The following DPP10 variants were observed in gnomAD, a reference collection of about 807,000 sequenced individuals.
The protein encoded by DPP10 is inactive dipeptidyl peptidase 10.
Under a neutral mutation model 120.9 loss-of-function variants are expected in DPP10, and 33 were observed. That is an observed-to-expected ratio of 0.27 (90% CI 0.21 to 0.37). DPP10 has a LOEUF of 0.37. Ranked by LOEUF, DPP10 falls within the 10% of genes least tolerant of loss-of-function variation. The pLI, the probability that DPP10 is intolerant of heterozygous loss-of-function variation, is 1.00. For synonymous variants in DPP10, 337 were observed against 326.1 expected, an observed-to-expected ratio of 1.03 and a Z score of -0.36; for missense variants, 816 against 942.8, an observed-to-expected ratio of 0.87 and a Z score of 1.76.
intron 1 of DPP10, among the ~76,000 whole-genome samples, chr2:115,102,160 G>A (rs909102279): frequency 1.3e-5 from 2 of 152,188 alleles, no homozygotes; most frequent in African/African-American, 4.8e-5. Context: ...CTTCCTTCCT[G>A]GCTTGCAGAC....
chr2:115,674,459 C>T lies in DPP10; in HGVS notation c.442-15228C>T, dbSNP rs189163144. 2.5e-3 allele frequency among the ~76,000 whole-genome samples: 380 copies of T among 151,696 alleles called. 1 individual carries two copies. The highest frequency in any genetic ancestry group is 3.7e-3 in the Non-Finnish European group (252 of 67,956). ...AATCGTATGTACTCTCTCCACCTTG[C>T]CGGCAGTTACATGCTTGTGACATGT... On this transcript the variant is annotated intron_variant, in intron 5 of 25. Transcript: ENST00000410059.
At chr2:114,500,162 G>A (rs759504582) in intron 1 of DPP10, among the ~76,000 whole-genome samples, 11 of 152,204 alleles carry the variant, frequency 7.2e-5, no homozygotes, top group African/African-American at 1.9e-4. Flanking sequence ...CTTAGCCACT[G>A]CTGAATTTCT....
At chr2:115,831,258 CTTTA>C in intron 21 of DPP10, among the ~76,000 whole-genome samples, 1 of 151,540 alleles carries the variant, frequency 6.6e-6, no homozygotes, top group African/African-American at 2.4e-5. Flanking sequence ...TTCTTTCTTT[CTTTA>C]TTTTGAGACG....
chr2:115,589,233 T>TGA (rs2082476922), intron 5 of DPP10, among the ~76,000 whole-genome samples: 1 of 152,212 alleles, frequency 6.6e-6, no homozygotes, highest in African/African-American at 2.4e-5. Flanking sequence ...GATTCTCAGT[T>TGA]GACAGATTGT....
intron 5 of DPP10, among the ~76,000 whole-genome samples, chr2:115,618,364 G>A (rs528749637): frequency 3.3e-5 from 5 of 152,288 alleles, no homozygotes; most frequent in South Asian, 2.1e-4. Context: ...CTTAGGAGTC[G>A]TGAAAGCCTT....
At chr2:115,690,576 C>A (rs756824118) in intron 7 of DPP10, among the ~76,000 whole-genome samples, 19 of 152,080 alleles carry the variant, frequency 1.2e-4, no homozygotes, top group Non-Finnish European at 2.1e-4. Flanking sequence ...CCAGGTCTGG[C>A]TAGCTTTTAT....
chr2:114,531,305 G>A (rs976600240), intron 1 of DPP10, among the ~76,000 whole-genome samples: 7 of 151,758 alleles, frequency 4.6e-5, no homozygotes, highest in East Asian at 1.9e-4. Context: ...TAAATATTCC[G>A]GTCTTCAAGA....
intron 1 of DPP10, among the ~76,000 whole-genome samples, chr2:115,306,357 T>C (rs759997266): frequency 5.9e-5 from 9 of 151,984 alleles, no homozygotes; most frequent in Non-Finnish European, 7.4e-5. Flanking sequence ...GGAATGGTGA[T>C]GTGAAGGTTG....
intron 1 of DPP10, among the ~76,000 whole-genome samples, chr2:114,922,826 G>T (rs1208016382): frequency 2.0e-5 from 3 of 152,028 alleles, no homozygotes; most frequent in Admixed American, 6.6e-5. Context: ...CTACGTTTTG[G>T]CTACTATGGC....
At chr2:115,731,964 C>T (rs1473444153) in intron 8 of DPP10, among the ~76,000 whole-genome samples, 2 of 152,194 alleles carry the variant, frequency 1.3e-5, no homozygotes, top group Non-Finnish European at 2.9e-5. Context: ...CCCACTATCA[C>T]CTTGCTTGTG....
At chr2:115,099,291 G>T (rs1187892766) in intron 1 of DPP10, among the ~76,000 whole-genome samples, 1 of 152,106 alleles carries the variant, frequency 6.6e-6, no homozygotes, top group Non-Finnish European at 1.5e-5. Flanking sequence ...TCCAGCATGG[G>T]CGACAGAACA....
intron 1 of DPP10, among the ~76,000 whole-genome samples, chr2:115,020,750 G>C (rs1037920320): frequency 7.9e-5 from 12 of 151,942 alleles, no homozygotes; most frequent in African/African-American, 2.7e-4. Flanking sequence ...CATTCTCCAA[G>C]ATAAACCATA....
chr2:115,017,859 G>GGGGGGAGT (rs1702770296), intron 1 of DPP10, among the ~76,000 whole-genome samples: 1 of 151,798 alleles, frequency 6.6e-6, no homozygotes, highest in African/African-American at 2.4e-5. Context: ...GTTGTGGGGT[G>GGGGGGAGT]GGGGGAGTGG....
At chr2:115,168,858 A>G (rs778230504) in intron 1 of DPP10, among the ~76,000 whole-genome samples, 33 of 152,220 alleles carry the variant, frequency 2.2e-4, no homozygotes, top group Non-Finnish European at 4.0e-4. Context: ...TAAATGTGTC[A>G]TCCACTGCCA....
intron 11 of DPP10, among the ~76,000 whole-genome samples, chr2:115,756,349 TA>T (rs1396993284): frequency 5.9e-5 from 9 of 152,126 alleles, no homozygotes; most frequent in Admixed American, 1.3e-4. Context: ...TTAAAGCACA[TA>T]AAAAATGATA....
chr2:115,013,915 A>G (rs759116736), intron 1 of DPP10, among the ~76,000 whole-genome samples: 4 of 152,100 alleles, frequency 2.6e-5, no homozygotes, highest in Non-Finnish European at 5.9e-5. Context: ...ACAGCCCACT[A>G]TCAATTTTAG....
chr2:115,527,597 C>A (rs1284866926), intron 5 of DPP10, among the ~76,000 whole-genome samples: 1 of 151,950 alleles, frequency 6.6e-6, no homozygotes, highest in Admixed American at 6.6e-5. Context: ...TTTGAAATTC[C>A]CATGTGTGAC....
intron 5 of DPP10, among the ~76,000 whole-genome samples, chr2:115,557,622 T>A (rs977510159): frequency 6.6e-6 from 1 of 152,224 alleles, no homozygotes; most frequent in African/African-American, 2.4e-5. Flanking sequence ...ACTTTAAGAT[T>A]TGTGGGCATA....
At chr2:115,384,652 GAAGGAAGAA>G (rs1559522218) in intron 3 of DPP10, among the ~76,000 whole-genome samples, 1 of 141,962 alleles carries the variant, frequency 7.0e-6, no homozygotes, top group African/African-American at 2.6e-5. Flanking sequence ...GGAAGAAGAA[GAAGGAAGAA>G]GAAGAAGAAG....
Sources: allele counts gnomAD v4.1 joint callset (sites outside exome capture counted in the v4.1 genomes callset), GRCh38; gene constraint gnomAD v4.1.1; transcripts MANE v1.5; gene names NCBI Gene and HGNC (gene_info 2026-07-23, HGNC 2026-07-21).